PTPRK: variants seen among roughly 807,000 people sequenced by gnomAD.
PTPRK encodes protein tyrosine phosphatase receptor type K, also known as receptor-type tyrosine-protein phosphatase kappa.
In PTPRK, 75 loss-of-function variants were observed where a neutral mutation model predicts 178.0. That is an observed-to-expected ratio of 0.42 (90% confidence interval 0.35 to 0.51). PTPRK has a LOEUF of 0.51. Ranked by LOEUF, PTPRK falls within the 20% of genes least tolerant of loss-of-function variation. The pLI is 0.02. For synonymous variants in PTPRK, 637 were observed against 620.6 expected (o/e 1.03, Z -0.39); for missense variants, 1,441 against 1,797.8 (o/e 0.80, Z 3.59).
intron 1 of PTPRK, among the ~76,000 whole-genome samples, chr6:128,459,930 G>A (rs1206213724): frequency 6.6e-6 from 1 of 152,106 alleles, no homozygotes; most frequent in Admixed American, 6.6e-5. Context: ...AAGGCAAAGG[G>A]GGAGCACAGC....
At chr6:128,070,994 A>G (rs1300055694) in intron 11 of PTPRK, among the ~76,000 whole-genome samples, 1 of 151,606 alleles carries the variant, frequency 6.6e-6, no homozygotes, top group African/African-American at 2.4e-5. Flanking sequence ...AATCCCGAGC[A>G]TTATTTGAAG....
At chr6:128,197,841 C>T (rs141025519) in intron 6 of PTPRK, among the ~76,000 whole-genome samples, 120 of 152,208 alleles carry the variant, frequency 7.9e-4, no homozygotes, top group Non-Finnish European at 4.7e-4. Context: ...TGATAGCACT[C>T]GCATTGAGAG....
intron 5 of PTPRK, among the ~76,000 whole-genome samples, chr6:128,224,901 G>A (rs1811015535): frequency 2.0e-5 from 3 of 152,204 alleles, no homozygotes; most frequent in Admixed American, 1.3e-4. Flanking sequence ...CAGAGAGACA[G>A]AGGAAGTTAC....
rs1332604042 is a variant in PTPRK, at chr6:128,318,961, C to T, written c.495+3078G>A. ...CATAGCAAATAAAACAAATGTAATA[C>T]GATAATTTCTATAATTAGTATAGTA... On this transcript the variant is annotated intron_variant, in intron 3 of 29. Transcript: ENST00000368226. Among the ~76,000 whole-genome samples, 7 of 152,176 alleles carry T rather than the reference C, an allele frequency of 4.6e-5. No homozygotes were observed. The East Asian group carries it at 5.8e-4, about 13-fold the overall frequency.
intron 6 of PTPRK, among the ~76,000 whole-genome samples, chr6:128,204,332 C>G (rs1036442981): frequency 2.0e-5 from 3 of 152,106 alleles, no homozygotes; most frequent in East Asian, 3.8e-4. Flanking sequence ...AGAAGGAAAT[C>G]TAGGCAATAC....
chr6:128,371,490 A>C (rs1189402984), intron 2 of PTPRK, among the ~76,000 whole-genome samples: 1 of 152,200 alleles, frequency 6.6e-6, no homozygotes, highest in African/African-American at 2.4e-5. Flanking sequence ...TACTATTAAA[A>C]CCTGGAACAC....
intron 25 of PTPRK, among the ~76,000 whole-genome samples, chr6:127,980,255 A>C (rs1352569496): frequency 1.3e-5 from 2 of 152,334 alleles, no homozygotes; most frequent in Admixed American, 6.5e-5. Context: ...GGTTGCAGTG[A>C]GCCGAGATTG....
intron 3 of PTPRK, among the ~76,000 whole-genome samples, chr6:128,270,309 A>G (rs187004451): frequency 4.9e-4 from 74 of 152,286 alleles, no homozygotes; most frequent in Admixed American, 2.9e-3. Context: ...TACTGAGGAA[A>G]CCTTAGAAAG....
chr6:128,287,121 G>A (rs978505911), intron 3 of PTPRK, among the ~76,000 whole-genome samples: 7 of 152,124 alleles, frequency 4.6e-5, no homozygotes, highest in Admixed American at 3.3e-4. Flanking sequence ...ATGTCTCACT[G>A]CCTCAGCTTC....
chr6:128,055,054 A>C (rs1225939095), intron 13 of PTPRK, among the ~76,000 whole-genome samples: 1 of 152,168 alleles, frequency 6.6e-6, no homozygotes, highest in Non-Finnish European at 1.5e-5. Flanking sequence ...TAAGAGAGTT[A>C]AAAAAATCCT....
chr6:128,416,405 G>A (rs1842854933), intron 1 of PTPRK, among the ~76,000 whole-genome samples: 2 of 151,708 alleles, frequency 1.3e-5, no homozygotes, highest in African/African-American at 4.8e-5. Context: ...ACTTTGGGAG[G>A]CGGAGGCAGG....
intron 3 of PTPRK, among the ~76,000 whole-genome samples, chr6:128,299,277 T>C (rs949240132): frequency 1.6e-4 from 24 of 147,404 alleles, no homozygotes; most frequent in South Asian, 1.1e-3. Context: ...ATCAATATCA[T>C]GAAAATGGCC....
chr6:128,193,472 T>TTGTGTGTGTGTG (rs10681233), intron 6 of PTPRK, among the ~76,000 whole-genome samples: 1 of 148,860 alleles, frequency 6.7e-6, no homozygotes. Context: ...GTACTAATAC[T>TTGTGTGTGTGTG]TGTGTGTGTG....
intron 13 of PTPRK, among the ~76,000 whole-genome samples, chr6:128,058,865 G>C (rs1780348914): frequency 6.6e-6 from 1 of 151,812 alleles, no homozygotes; most frequent in African/African-American, 2.4e-5. Flanking sequence ...TATAGTGTGA[G>C]TTAGGGGTCA....
At chr6:128,124,784 A>G (rs998655538) in intron 7 of PTPRK, among the ~76,000 whole-genome samples, 4 of 152,206 alleles carry the variant, frequency 2.6e-5, no homozygotes. Context: ...CAAAAAGACC[A>G]GCCTCCGGGA....
intron 1 of PTPRK, among the ~76,000 whole-genome samples, chr6:128,478,320 C>T (rs1376651857): frequency 1.3e-5 from 2 of 152,126 alleles, no homozygotes; most frequent in South Asian, 2.1e-4. Context: ...CATTCTGGAC[C>T]CATCACTGTG....
chr6:128,394,365 C>T (rs778565136), intron 2 of PTPRK, among the ~76,000 whole-genome samples: 3 of 152,188 alleles, frequency 2.0e-5, no homozygotes, highest in Non-Finnish European at 4.4e-5. Context: ...CATGCATACT[C>T]AGTCCTGCTG....
intron 1 of PTPRK, among the ~76,000 whole-genome samples, chr6:128,502,550 T>A (rs936988551): frequency 1.3e-5 from 2 of 152,196 alleles, no homozygotes; most frequent in African/African-American, 4.8e-5. Flanking sequence ...CACACCCATA[T>A]GCCAAATTAT....
At chr6:128,504,449 T>C (rs1856030288) in intron 1 of PTPRK, among the ~76,000 whole-genome samples, 1 of 152,146 alleles carries the variant, frequency 6.6e-6, no homozygotes, top group Non-Finnish European at 1.5e-5. Context: ...CCAGGAAAGA[T>C]CTCAAGTGGA....
Sources: allele counts gnomAD v4.1 joint callset (sites outside exome capture counted in the v4.1 genomes callset), GRCh38; gene constraint gnomAD v4.1.1; transcripts MANE v1.5; gene names NCBI Gene and HGNC (gene_info 2026-07-23, HGNC 2026-07-21).